ABCA6: variants seen among roughly 807,000 people sequenced by gnomAD.
ABCA6 encodes ATP-binding cassette sub-family A member 6.
In ABCA6, 164 loss-of-function variants were observed where a neutral mutation model predicts 191.2. The observed-to-expected ratio is 0.86, with a 90% CI of 0.76 to 0.98. ABCA6 has a LOEUF of 0.98. Ranked by LOEUF, ABCA6 falls within the 50% of genes least tolerant of loss-of-function variation. The probability of loss-of-function intolerance (pLI) is 0.00; values close to 1 mark genes in which losing one functional copy is unlikely to be tolerated. For synonymous variants in ABCA6, 636 were observed against 647.7 expected, an observed-to-expected ratio of 0.98 and a Z score of 0.27; for missense variants, 1,958 against 1,894.1, an observed-to-expected ratio of 1.03 and a Z score of -0.63.
At chr17:69,115,649 A>C (rs186947521) in intron 11 of ABCA6, 163 bp from the exon 12 acceptor site, 28 of 473,964 alleles carry the variant, frequency 5.9e-5, no homozygotes, top group South Asian at 1.4e-4. Context: ...CTAATTGCCA[A>C]AATAATATGT....
At chr17:69,115,177 C>T (rs185134719) in intron 12 of ABCA6, among the ~76,000 whole-genome samples, 199 bp downstream of exon 12, 1 of 151,992 alleles carries the variant, frequency 6.6e-6, no homozygotes, top group Non-Finnish European at 1.5e-5. Flanking sequence ...TGAAATATCA[C>T]ACAATGGAAT....
chr17:69,097,339 C>T (rs1269397209), intron 23 of ABCA6, among the ~76,000 whole-genome samples: 3 of 150,256 alleles, frequency 2.0e-5, no homozygotes, highest in Non-Finnish European at 2.9e-5. Context: ...TGCAGTGAAC[C>T]GATTTTGCAC....
At chr17:69,120,799 G>A (rs778001013) in intron 10 of ABCA6, among the ~76,000 whole-genome samples, 5 of 152,024 alleles carry the variant, frequency 3.3e-5, no homozygotes, top group Admixed American at 6.6e-5. Context: ...TTGCCTGAAT[G>A]GTCTATAGTT....
At chr17:69,110,992 C>G (rs1474458334) in intron 16 of ABCA6, 52 bp from the exon 17 acceptor site, 1 of 1,515,770 alleles carries the variant, frequency 6.6e-7, no homozygotes, top group Non-Finnish European at 8.9e-7. Flanking sequence ...ACCACTATCA[C>G]AAAAGAAGAG....
intron 3 of ABCA6, 107 bp downstream of exon 3, chr17:69,137,184 CTTAAG>C (rs2073962700): frequency 3.0e-6 from 3 of 989,452 alleles, no homozygotes; most frequent in Admixed American, 2.4e-5. Flanking sequence ...TATTTTAGTA[CTTAAG>C]TTATTAGCAT....
chr17:69,091,442 A>G (rs192957836), intron 25 of ABCA6, among the ~76,000 whole-genome samples, 180 bp from the exon 26 acceptor site: 326 of 152,350 alleles, frequency 2.1e-3, no homozygotes, highest in Non-Finnish European at 3.5e-3. Context: ...TTTGTTAACA[A>G]GAATACATTA....
Position 69,129,643 on chromosome 17 carries a change from T to C in ABCA6, c.900A>G (p.Ile300Met). 6.2e-7 allele frequency: 1 copy of C among 1,602,264 alleles called. No individual in the cohort carries two copies. The highest frequency in any genetic ancestry group is 8.5e-7 in the Non-Finnish European group (1 of 1,172,910). ...AGCCATATAAAAAAAAGAGTATAAA[T>C]ATGACCATGAAGCCAGTCATGACTA... The part of the protein sequence containing the change: ...QIIVMTGFMV[I>M]FILFFLYGLS... Residue 300 changes from isoleucine to methionine, a missense_variant, in exon 7 of 39, where the codon ATA becomes ATG. Physicochemically the swap from Ile to Met is conservative, Grantham distance 10. Transcript: ENST00000284425.
rs749116692 is a variant in ABCA6, at chr17:69,084,358, G to T, written c.4261-3C>A. ...AGGAGGCTCAGCACAAAACACAACT[G>T]CAATGTAGAAAAACACCCCTGTTTG... On this transcript the variant is annotated splice_polypyrimidine_tract_variant and splice_region_variant and intron_variant, in intron 33 of 38. Coordinates refer to ENST00000284425, the MANE Select transcript of ABCA6 (RefSeq NM_080284.3). 6.2e-7 allele frequency: 1 copy of T among 1,614,022 alleles called. No homozygotes were observed. The highest frequency in any genetic ancestry group is 1.7e-5 in the Admixed American group (1 of 59,992).
intron 17 of ABCA6, chr17:69,108,036 A>G (rs1598468159): frequency 4.4e-6 from 2 of 454,280 alleles, no homozygotes; most frequent in East Asian, 4.5e-5. Context: ...TTCATCTTCC[A>G]TTCTCAGTTT....
At chr17:69,097,396 A>G (rs2073074481) in intron 23 of ABCA6, among the ~76,000 whole-genome samples, 1 of 152,158 alleles carries the variant, frequency 6.6e-6, no homozygotes, top group South Asian at 2.1e-4. Flanking sequence ...ATCTCAAAAA[A>G]AAAAAAAAAA....
chr17:69,095,997 A>G (rs1400342593), intron 25 of ABCA6, among the ~76,000 whole-genome samples: 2 of 152,218 alleles, frequency 1.3e-5, no homozygotes, highest in Non-Finnish European at 2.9e-5. Flanking sequence ...TAAACTCAAC[A>G]GGACGTTTCA....
chr17:69,113,304 C>T lies in ABCA6; in HGVS notation c.1959G>A (p.Val653=). 1 of 1,597,456 alleles carries T rather than the reference C, an allele frequency of 6.3e-7. No individual in the cohort carries two copies. Among genetic ancestry groups the T allele is most frequent in the Admixed American group, 1.9e-5 (1 of 53,990 alleles). The change falls in exon 15 of 39, where the codon GTG becomes GTA. Residue 653 remains valine (V), a synonymous_variant. Coordinates refer to ENST00000284425, the MANE Select transcript of ABCA6 (RefSeq NM_080284.3). ...CTCTACGCTCTCTCAGGAGGCTCCA[C>T]ACTTGATCTCTGGAAAAGGGATCCA... The part of the protein sequence containing the change: ...TGLDPFSRDQ[V]WSLLRERRAD...
chr17:69,100,799 G>C lies in ABCA6; in HGVS notation c.3010C>G (p.Leu1004Val). 1 of 1,607,338 alleles carries C rather than the reference G, an allele frequency of 6.2e-7. No homozygotes were observed. The highest frequency in any genetic ancestry group is 1.3e-5 in the African/African-American group (1 of 74,742). The change falls in exon 22 of 39, where the codon CTT becomes GTT. Residue 1004 changes from leucine to valine, a missense_variant and splice_region_variant. Coordinates refer to ENST00000284425, the MANE Select transcript of ABCA6 (RefSeq NM_080284.3). ...GACTCAGTAAATCCAATACTTACAA[G>C]AGGAAATGGGCTTGACTCAATTCGA... ...HIRIESSPFP[L>V]SHIGLWTGLP...
intron 9 of ABCA6, among the ~76,000 whole-genome samples, chr17:69,124,069 TTGAAATCTA>T (rs2073702043): frequency 6.6e-6 from 1 of 152,014 alleles, no homozygotes; most frequent in Admixed American, 6.6e-5. Context: ...GAACATAATA[TTGAAATCTA>T]TATATTCCTG....
intron 17 of ABCA6, chr17:69,108,441 T>C (rs913549894): frequency 2.6e-5 from 4 of 152,218 alleles, no homozygotes; most frequent in Admixed American, 6.5e-5. Context: ...CCTTGTTTAT[T>C]ATTTTAGTGT....
chr17:69,109,267 T>C lies in ABCA6; in HGVS notation c.2273-1455A>G, dbSNP rs536596319. On this transcript the variant is annotated intron_variant, in intron 17 of 38. Coordinates refer to ENST00000284425, the MANE Select transcript of ABCA6 (RefSeq NM_080284.3). Reference sequence around the variant, plus strand: ...GAAATATATTTCCTCATTTGTAAGATAGGGCAAGTTATAGCACCCATCTCA... The same window carrying C: ...GAAATATATTTCCTCATTTGTAAGACAGGGCAAGTTATAGCACCCATCTCA... 4 of 148,852 alleles carry C rather than the reference T, an allele frequency of 2.7e-5. No homozygotes were observed. The East Asian group carries it at 5.9e-4, about 22-fold the overall frequency. 9.2% of individuals were successfully genotyped at this position (148,852 alleles called of 1,614,324 possible). A position where few individuals can be genotyped will look rare whatever the true frequency, so the allele number is the denominator to read the frequency against.
chr17:69,118,308 C>T (rs762372477), intron 10 of ABCA6, among the ~76,000 whole-genome samples: 6 of 152,174 alleles, frequency 3.9e-5, no homozygotes, highest in African/African-American at 9.6e-5. Context: ...CATCCTGCAT[C>T]GTCTCCAAGT....
At position 69,084,439 on chromosome 17, in the gene ABCA6, G is replaced by T. The variant is rs139185299; in HGVS notation, c.4253C>A (p.Thr1418Lys). ...ATCACACACCGCACGTACCTTTCTC[G>T]TGATTCCTGCTGTTAATTTCTGCAC... is the stretch of plus-strand genomic sequence containing the variant. ...VPVQKLTAGI[T>K]RKLCFVLSLL... is the part of the protein sequence containing the mutation. Residue 1418 changes from threonine (T) to lysine (K), a missense_variant, in exon 33 of 39, where the codon ACG (threonine) becomes AAG (lysine). By Grantham distance (78) the Thr-to-Lys change is moderately conservative. Coordinates refer to ENST00000284425, the MANE Select transcript of ABCA6 (RefSeq NM_080284.3). 15 of 1,614,134 alleles carry T rather than the reference G, an allele frequency of 9.3e-6. No individual in the cohort carries two copies. The African/African-American group carries it at 2.0e-4, about 22-fold the overall frequency.
chr17:69,087,841 T>C (rs1247127875), intron 28 of ABCA6, among the ~76,000 whole-genome samples: 1 of 152,226 alleles, frequency 6.6e-6, no homozygotes, highest in Non-Finnish European at 1.5e-5. Context: ...CAGCCCTCCA[T>C]TTTTAAAACA....
Sources: gnomAD v4.1 joint callset for allele counts (sites outside exome capture counted in the v4.1 genomes callset) on GRCh38, gnomAD v4.1.1 for gene constraint, MANE v1.5 for transcripts, NCBI Gene and HGNC (gene_info 2026-07-23, HGNC 2026-07-21) for gene names.